Variants in NPAS3 observed in about 807,000 individuals in gnomAD.
NPAS3 encodes neuronal PAS domain-containing protein 3.
In NPAS3, 14 loss-of-function variants were observed where a neutral mutation model predicts 73.1. The observed-to-expected ratio is 0.19, with a 90% CI of 0.13 to 0.30. The LOEUF (loss-of-function observed/expected upper bound fraction) is 0.30, where lower values mean the gene tolerates loss of function less well. Among genes scored for constraint, NPAS3 ranks in the 10% least tolerant of loss-of-function variants. The probability of loss-of-function intolerance (pLI) is 1.00; values close to 1 mark genes in which losing one functional copy is unlikely to be tolerated. For missense variants in NPAS3, 1,096 were observed against 1,250.0 expected (o/e 0.88, Z 1.86); for synonymous variants, 620 against 541.5 (o/e 1.14, Z -2.01).
intron 6 of NPAS3, among the ~76,000 whole-genome samples, chr14:33,683,961 T>G (rs1479099050): frequency 2.0e-5 from 3 of 152,198 alleles, no homozygotes; most frequent in Admixed American, 6.5e-5. Context: ...GGTCAGTGTG[T>G]TATCCTTGTC....
At chr14:33,280,043 C>A (rs1485999063) in intron 3 of NPAS3, among the ~76,000 whole-genome samples, 1 of 152,118 alleles carries the variant, frequency 6.6e-6, no homozygotes, top group Non-Finnish European at 1.5e-5. Flanking sequence ...TGAAGGCAAG[C>A]GTGTATGCTG....
At chr14:33,607,683 A>G (rs1241364974) in intron 5 of NPAS3, among the ~76,000 whole-genome samples, 1 of 152,142 alleles carries the variant, frequency 6.6e-6, no homozygotes, top group African/African-American at 2.4e-5. Context: ...TTGTACCTCT[A>G]ATAGGATTGT....
At chr14:33,392,939 G>A (rs941342803) in intron 4 of NPAS3, among the ~76,000 whole-genome samples, 1 of 152,096 alleles carries the variant, frequency 6.6e-6, no homozygotes, top group African/African-American at 2.4e-5. Context: ...GTGATCTGCT[G>A]AGCAACTACA....
At chr14:33,264,467 C>T (rs2049097449) in intron 3 of NPAS3, among the ~76,000 whole-genome samples, 1 of 152,016 alleles carries the variant, frequency 6.6e-6, no homozygotes, top group South Asian at 2.1e-4. Flanking sequence ...ATAATCCAGA[C>T]AGATGTTTTA....
intron 2 of NPAS3, among the ~76,000 whole-genome samples, chr14:33,096,114 A>G (rs1648663322): frequency 6.6e-6 from 1 of 151,168 alleles, no homozygotes; most frequent in South Asian, 2.1e-4. Context: ...TTTCTAATCT[A>G]ATATCGTTAG....
At chr14:33,701,675 A>G (rs973960615) in intron 6 of NPAS3, among the ~76,000 whole-genome samples, 14 of 152,200 alleles carry the variant, frequency 9.2e-5, no homozygotes, top group African/African-American at 3.1e-4. Flanking sequence ...TTGTCTTACA[A>G]TTTCTACACA....
At chr14:33,464,606 A>C (rs921277272) in intron 4 of NPAS3, among the ~76,000 whole-genome samples, 1 of 152,164 alleles carries the variant, frequency 6.6e-6, no homozygotes, top group Non-Finnish European at 1.5e-5. Context: ...ATAATGTTGA[A>C]GGTGAAGCTA....
chr14:33,076,596 T>C (rs571455229), intron 2 of NPAS3, among the ~76,000 whole-genome samples: 2 of 152,172 alleles, frequency 1.3e-5, no homozygotes, highest in Non-Finnish European at 2.9e-5. Flanking sequence ...TATATTAACA[T>C]AGACTTTGGG....
At chr14:33,685,058 G>A (rs1047436900) in intron 6 of NPAS3, among the ~76,000 whole-genome samples, 1 of 152,138 alleles carries the variant, frequency 6.6e-6, no homozygotes, top group African/African-American at 2.4e-5. Flanking sequence ...TTTCATTCAC[G>A]ATTCAGACCC....
chr14:33,207,014 C>T (rs970653455), intron 2 of NPAS3, among the ~76,000 whole-genome samples: 3 of 152,126 alleles, frequency 2.0e-5, no homozygotes, highest in Non-Finnish European at 4.4e-5. Flanking sequence ...GATGAGAAAG[C>T]CTTTATCCCA....
At chr14:33,661,522 CACT>C (rs1289633303) in intron 5 of NPAS3, among the ~76,000 whole-genome samples, 7 of 152,196 alleles carry the variant, frequency 4.6e-5, no homozygotes, top group African/African-American at 1.2e-4. Flanking sequence ...CCACTTACTA[CACT>C]ACTACTGTAC....
intron 2 of NPAS3, among the ~76,000 whole-genome samples, chr14:33,180,615 C>T (rs1271267490): frequency 1.3e-5 from 2 of 151,824 alleles, no homozygotes; most frequent in Admixed American, 6.6e-5. Context: ...CTGGCTAACA[C>T]GGTGAAACCC....
intron 3 of NPAS3, 148 bp downstream of exon 3, chr14:33,215,574 G>A (rs768603476): frequency 1.0e-5 from 9 of 896,692 alleles, no homozygotes; most frequent in Non-Finnish European, 1.9e-6. Flanking sequence ...GCATGAGAAA[G>A]ACACCATGTG....
intron 5 of NPAS3, among the ~76,000 whole-genome samples, chr14:33,587,438 G>A (rs887832338): frequency 6.6e-6 from 1 of 152,158 alleles, no homozygotes; most frequent in East Asian, 1.9e-4. Flanking sequence ...TAATAACTGG[G>A]TGTCTCAGTA....
At chr14:33,747,613 T>C (rs2061844950) in intron 7 of NPAS3, among the ~76,000 whole-genome samples, 1 of 152,226 alleles carries the variant, frequency 6.6e-6, no homozygotes, top group Non-Finnish European at 1.5e-5. Context: ...GGAAGAAGCT[T>C]TGGGCTGCTG....
intron 2 of NPAS3, among the ~76,000 whole-genome samples, chr14:33,146,866 C>T (rs188181595): frequency 3.7e-4 from 57 of 152,328 alleles, no homozygotes; most frequent in African/African-American, 1.4e-3. Flanking sequence ...GTAGAAGTTA[C>T]ACTTCAGCTG....
At chr14:33,155,834 A>G (rs2044627280) in intron 2 of NPAS3, among the ~76,000 whole-genome samples, 1 of 152,218 alleles carries the variant, frequency 6.6e-6, no homozygotes, top group Non-Finnish European at 1.5e-5. Context: ...AGCAACATCA[A>G]AATAGTGAAT....
intron 5 of NPAS3, 55 bp downstream of exon 5, chr14:33,560,265 C>T: frequency 1.3e-6 from 1 of 784,068 alleles, no homozygotes; most frequent in Non-Finnish European, 2.3e-6. Flanking sequence ...TCTTCAGCCT[C>T]ATGTTTTTCC....
chr14:33,089,551 T>C (rs2042152251), intron 2 of NPAS3, among the ~76,000 whole-genome samples: 1 of 150,214 alleles, frequency 6.7e-6, no homozygotes, highest in African/African-American at 2.5e-5. Flanking sequence ...ACGGGGAGAG[T>C]GGAACCAAGT....
Sources: allele counts gnomAD v4.1 joint callset (sites outside exome capture counted in the v4.1 genomes callset), GRCh38; gene constraint gnomAD v4.1.1; transcripts MANE v1.5; gene names NCBI Gene and HGNC (gene_info 2026-07-23, HGNC 2026-07-21).